The following DST variants were observed in gnomAD, a reference collection of about 807,000 sequenced individuals.
DST encodes the protein dystonin.
In DST, 253 loss-of-function variants were observed where a neutral mutation model predicts 875.2. The ratio of observed to expected loss-of-function variants is 0.29; its 90% CI spans 0.26 to 0.32. DST has a LOEUF of 0.32. Ranked by LOEUF, DST falls within the 10% of genes least tolerant of loss-of-function variation. The probability of loss-of-function intolerance (pLI) is 1.00; values close to 1 mark genes in which losing one functional copy is unlikely to be tolerated. For synonymous variants in DST, 3,124 were observed against 3,197.1 expected, an observed-to-expected ratio of 0.98 and a Z score of 0.77; for missense variants, 8,287 against 9,111.6, an observed-to-expected ratio of 0.91 and a Z score of 3.68.
At chr6:56,696,868 G>A (rs2099267083) in intron 9 of DST, among the ~76,000 whole-genome samples, 1 of 151,812 alleles carries the variant, frequency 6.6e-6, no homozygotes, top group South Asian at 2.1e-4. Flanking sequence ...ATCTTTTCCC[G>A]CAGGCCTTCT....
At position 56,553,101 on chromosome 6, in the gene DST, T is replaced by C; in HGVS notation, c.15691A>G (p.Ser5231Gly). 1 of 1,614,002 alleles carries C rather than the reference T, an allele frequency of 6.2e-7. No homozygotes were observed. Among genetic ancestry groups the C allele is most frequent in the Non-Finnish European group, 8.5e-7 (1 of 1,179,870 alleles). Reference sequence around the variant, plus strand: ...TCTATCTCACAGACACTGAGCAAGCTATTGGCTGTGTTGTTCAGTAATTCT... The same window carrying C: ...TCTATCTCACAGACACTGAGCAAGCCATTGGCTGTGTTGTTCAGTAATTCT... ...MVELLNNTANSLLSVCEIDKE... is the reference protein window; with the variant it reads ...MVELLNNTANGLLSVCEIDKE... Residue 5231 changes from serine (S) to glycine (G), a missense_variant, in exon 61 of 104, where the codon AGC (serine) becomes GGC (glycine). By Grantham distance (56) the Ser-to-Gly change is moderately conservative. Transcript: ENST00000680361.
At chr6:56,759,014 C>A (rs2099610892) in intron 4 of DST, among the ~76,000 whole-genome samples, 1 of 152,218 alleles carries the variant, frequency 6.6e-6, no homozygotes, top group South Asian at 2.1e-4. Context: ...TGGCTGACCT[C>A]ATGAAGCTGA....
chr6:56,459,364 C>G, intron 103 of DST, 97 bp from the exon 104 acceptor site: 1 of 1,346,410 alleles, frequency 7.4e-7, no homozygotes, highest in Non-Finnish European at 1.0e-6. Context: ...AACTTTTTTT[C>G]CTGGTGTGTA....
intron 69 of DST, among the ~76,000 whole-genome samples, chr6:56,520,801 T>C (rs183747435): frequency 2.6e-5 from 4 of 152,236 alleles, no homozygotes; most frequent in Admixed American, 2.0e-4. Context: ...TTCCTATTTG[T>C]GTTTTCTCTC....
intron 3 of DST, among the ~76,000 whole-genome samples, chr6:56,881,925 G>A (rs899698644): frequency 1.3e-5 from 2 of 152,148 alleles, no homozygotes; most frequent in African/African-American, 2.4e-5. Flanking sequence ...AGGGCAGCGC[G>A]TGCACAAGAA....
intron 73 of DST, among the ~76,000 whole-genome samples, chr6:56,510,505 C>T (rs1425472749): frequency 6.6e-6 from 1 of 152,066 alleles, no homozygotes; most frequent in Non-Finnish European, 1.5e-5. Flanking sequence ...TGGTTAAACA[C>T]ATAATCAGAC....
intron 58 of DST, among the ~76,000 whole-genome samples, chr6:56,559,020 T>C (rs1199983656): frequency 6.6e-6 from 1 of 152,136 alleles, no homozygotes; most frequent in African/African-American, 2.4e-5. Flanking sequence ...AGTCACTCGA[T>C]AAATATTCAT....
chr6:56,908,098 T>TATATATATATACAC (rs148958146), intron 2 of DST, among the ~76,000 whole-genome samples: 1 of 150,498 alleles, frequency 6.6e-6, no homozygotes, highest in East Asian at 1.9e-4. Context: ...TATATATATA[T>TATATATATATACAC]ACACACACAC....
intron 4 of DST, among the ~76,000 whole-genome samples, chr6:56,784,157 A>AT (rs1474785470): frequency 6.6e-6 from 1 of 151,970 alleles, no homozygotes; most frequent in African/African-American, 2.4e-5. Context: ...TCTCCTTAAC[A>AT]TTTTTTCCTT....
chr6:56,684,034 C>T (rs1381007280), intron 9 of DST, among the ~76,000 whole-genome samples: 1 of 152,218 alleles, frequency 6.6e-6, no homozygotes, highest in Non-Finnish European at 1.5e-5. Context: ...TACTAAATGA[C>T]CCACTTACTG....
intron 71 of DST, 133 bp from the exon 72 acceptor site, chr6:56,515,801 A>G (rs2096575300): frequency 1.6e-6 from 1 of 628,802 alleles, no homozygotes; most frequent in Admixed American, 3.2e-5. Flanking sequence ...ATACATCAGT[A>G]AAAGCTATTC....
At position 56,482,896 on chromosome 6, in the gene DST, G is replaced by T; in HGVS notation, c.21208-19C>A. The T allele has an allele frequency of 6.9e-7, 1 of 1,458,702 alleles. No homozygotes were observed. Among genetic ancestry groups the T allele is most frequent in the South Asian group, 1.6e-5 (1 of 61,418 alleles). The allele number at this position is 1,458,702 out of a possible 1,614,324, so 90.4% of individuals were successfully genotyped here. A position where few individuals can be genotyped will look rare whatever the true frequency, so the allele number is the denominator to read the frequency against. On this transcript the variant is annotated intron_variant, in intron 88 of 103. Coordinates refer to ENST00000680361, the MANE Select transcript of DST (RefSeq NM_001374736.1). ...GGAAGGCCTAAGAAGACCATATTTT[G>T]AAAAATTAATTTTAATTACAAAACC...
intron 33 of DST, 121 bp downstream of exon 33, chr6:56,627,878 A>G: frequency 1.1e-6 from 1 of 902,500 alleles, no homozygotes; most frequent in Non-Finnish European, 1.7e-6. Flanking sequence ...TATTTTTTAT[A>G]TACTCTCCAC....
intron 4 of DST, among the ~76,000 whole-genome samples, chr6:56,764,097 GCACACACA>G (rs57134689): frequency 1.1e-4 from 16 of 141,924 alleles, no homozygotes; most frequent in African/African-American, 2.9e-4. Context: ...AAGTGCACAT[GCACACACA>G]CACACACACA....
At chr6:56,498,075 C>A (rs2095981323) in intron 80 of DST, 22 bp from the exon 81 acceptor site, 1 of 1,595,644 alleles carries the variant, frequency 6.3e-7, no homozygotes, top group Non-Finnish European at 8.6e-7. Flanking sequence ...AAGATAACAC[C>A]ATGTTTGCTA....
intron 3 of DST, among the ~76,000 whole-genome samples, chr6:56,852,414 T>C (rs1381708759): frequency 1.3e-5 from 2 of 152,216 alleles, no homozygotes; most frequent in Non-Finnish European, 2.9e-5. Flanking sequence ...TCTCAGCTCC[T>C]GGTCATTACA....
chr6:56,539,393 T>A (rs4236141), intron 61 of DST, among the ~76,000 whole-genome samples: 1 of 151,984 alleles, frequency 6.6e-6, no homozygotes, highest in Non-Finnish European at 1.5e-5. Flanking sequence ...ATTTACTGCA[T>A]GTCTAAGAAA....
At chr6:56,537,057 G>C in intron 61 of DST, 117 bp from the exon 62 acceptor site, 1 of 884,464 alleles carries the variant, frequency 1.1e-6, no homozygotes, top group Admixed American at 2.7e-5. Context: ...CAGAGGTAAA[G>C]ATAATTTTTA....
intron 9 of DST, chr6:56,692,880 T>C (rs1447564532): frequency 7.8e-7 from 1 of 1,289,842 alleles, no homozygotes; most frequent in Non-Finnish European, 1.0e-6. Context: ...CATCTCCCAG[T>C]GCAGAGTTTA....
Sources: gnomAD v4.1 joint callset for allele counts (sites outside exome capture counted in the v4.1 genomes callset) on GRCh38, gnomAD v4.1.1 for gene constraint, MANE v1.5 for transcripts, NCBI Gene and HGNC (gene_info 2026-07-23, HGNC 2026-07-21) for gene names.